DOCK11: variants seen among roughly 807,000 people sequenced by gnomAD.
DOCK11 encodes dedicator of cytokinesis 11.
In DOCK11, 70 loss-of-function variants were observed where a neutral mutation model predicts 169.1. The ratio of observed to expected loss-of-function variants is 0.41; its 90% CI spans 0.34 to 0.51. The LOEUF (loss-of-function observed/expected upper bound fraction) is 0.51. Among genes scored for constraint, DOCK11 ranks in the 20% least tolerant of loss-of-function variants. The pLI, the probability that DOCK11 is intolerant of heterozygous loss-of-function variation, is 0.10. For missense variants in DOCK11, 1,166 were observed against 1,538.8 expected (o/e 0.76, Z 4.05); for synonymous variants, 529 against 541.3 (o/e 0.98, Z 0.32).
At chrX:118,621,206 T>C (rs1041096058) in intron 31 of DOCK11, among the ~76,000 whole-genome samples, 2 of 112,477 alleles carry the variant, frequency 1.8e-5, no homozygotes, top group African/African-American at 6.5e-5. Context: ...TAAATGACGA[T>C]AGAGTTTTCT....
At chrX:118,663,867 G>GT (rs1238631906) in intron 45 of DOCK11, among the ~76,000 whole-genome samples, 2 of 108,583 alleles carry the variant, frequency 1.8e-5, no homozygotes, top group Non-Finnish European at 3.8e-5. Flanking sequence ...TAGAGACAGG[G>GT]TTTCACCATG....
intron 48 of DOCK11, among the ~76,000 whole-genome samples, chrX:118,678,979 A>G (rs1411757258): frequency 9.1e-6 from 1 of 110,330 alleles, no homozygotes; most frequent in African/African-American, 3.3e-5. Flanking sequence ...GTGTGTGGAG[A>G]CGGGGTCTCA....
At chrX:118,656,029 C>A (rs1021229519) in intron 44 of DOCK11, among the ~76,000 whole-genome samples, 1 of 111,178 alleles carries the variant, frequency 9.0e-6, no homozygotes, top group Non-Finnish European at 1.9e-5. Flanking sequence ...GTGACTCAGA[C>A]CTGTAATGTC....
intron 6 of DOCK11, among the ~76,000 whole-genome samples, chrX:118,553,659 G>C: frequency 8.9e-6 from 1 of 111,753 alleles, no homozygotes. Flanking sequence ...CTCCTCTGCA[G>C]TGGGAGAACA....
chrX:118,670,318 C>T (rs776824281), intron 45 of DOCK11, among the ~76,000 whole-genome samples: 8 of 111,547 alleles, frequency 7.2e-5, no homozygotes, highest in South Asian at 7.5e-4. Context: ...TTATGACTTA[C>T]GGGTAGCATC....
chrX:118,676,087 A>T, intron 47 of DOCK11, 38 bp downstream of exon 47: 1 of 949,233 alleles, frequency 1.1e-6, no homozygotes, highest in Non-Finnish European at 1.5e-6. Flanking sequence ...TCCTTTTTAA[A>T]CATTCACCTT....
intron 6 of DOCK11, among the ~76,000 whole-genome samples, chrX:118,552,140 G>T (rs2012520412): frequency 9.0e-6 from 1 of 111,417 alleles, no homozygotes; most frequent in Non-Finnish European, 1.9e-5. Flanking sequence ...AAGAGTATTA[G>T]AAGAGACTCA....
At position 118,597,514 on chromosome X, in the gene DOCK11, C is replaced by T. The variant is rs138683152; in HGVS notation, c.2347C>T (p.Pro783Ser). 357 of 1,209,487 alleles carry T rather than the reference C, an allele frequency of 3.0e-4. 1 individual carries two copies. The African/African-American group carries it at 5.0e-3, about 17-fold the overall frequency. Reference protein sequence around the residue: ...QQLPVSANLPPGYLNLNDAES... With the variant: ...QQLPVSANLPSGYLNLNDAES... ...GCTGCCAGTTTCCGCCAATCTTCCC[C>T]CAGGCTACTTGAATCTGAATGATGC... The change falls in exon 21 of 53, where the codon CCA becomes TCA. Residue 783 changes from proline to serine, a missense_variant. Transcript: ENST00000276202.
In DOCK11 at chrX:118,562,907, A is replaced by G. The variant is rs181399267; in HGVS notation, c.693+1390A>G. Among the ~76,000 whole-genome samples the G allele has an allele frequency of 6.5e-3, 728 of 112,421 alleles. 7 individuals are homozygous for G. Among genetic ancestry groups the G allele is most frequent in the African/African-American group, 0.021 (660 of 30,950 alleles). On this transcript the variant is annotated intron_variant, in intron 7 of 52. Coordinates refer to ENST00000276202, the MANE Select transcript of DOCK11 (RefSeq NM_144658.4). ...CTAAGTCACATTCTAATTTTGGTTA[A>G]TTCTACACATTCCTTTGGGGATTAC...
At chrX:118,546,182 A>C in intron 6 of DOCK11, 66 bp downstream of exon 6, 1 of 386,299 alleles carries the variant, frequency 2.6e-6, no homozygotes. Context: ...CTATCTGGAA[A>C]CAATATTTAT....
chrX:118,538,714 C>T (rs374332472), intron 1 of DOCK11: 5 of 741,324 alleles, frequency 6.7e-6, no homozygotes, highest in African/African-American at 2.3e-5. Context: ...TTTATTGTAA[C>T]GGGTTTTTGG....
chrX:118,518,683 A>G (rs1698250953), intron 1 of DOCK11, among the ~76,000 whole-genome samples: 1 of 112,454 alleles, frequency 8.9e-6, no homozygotes, highest in Admixed American at 9.5e-5. Flanking sequence ...ATACTACTGC[A>G]GTGGTGGATA....
In DOCK11 at chrX:118,546,127, GT is replaced by G; in HGVS notation, c.558+13del. On this transcript the variant is annotated intron_variant, in intron 6 of 52. Transcript: ENST00000276202. ...ACAGTAACCATGAAGGTAGGAAGTA[GT>G]TATTATATTATTCCATCATTTTAAT... 1 of 965,417 alleles carries G rather than the reference GT, an allele frequency of 1.0e-6. No individual in the cohort carries two copies. Among genetic ancestry groups the G allele is most frequent in the Non-Finnish European group, 1.4e-6 (1 of 716,717 alleles). 79.6% of individuals were successfully genotyped at this position (965,417 alleles called of 1,213,427 possible).
At chrX:118,531,685 G>A (rs1420446681) in intron 1 of DOCK11, among the ~76,000 whole-genome samples, 1 of 108,764 alleles carries the variant, frequency 9.2e-6, no homozygotes, top group African/African-American at 3.3e-5. Context: ...AGCCTCCCGA[G>A]TAGCTGGGAT....
At chrX:118,552,419 C>A (rs749556214) in intron 6 of DOCK11, among the ~76,000 whole-genome samples, 165 of 111,630 alleles carry the variant, frequency 1.5e-3, no homozygotes, top group African/African-American at 5.3e-3. Flanking sequence ...AGGCTGAGTT[C>A]TTCGTATTGG....
chrX:118,500,180 CT>C (rs1452095340), intron 1 of DOCK11, among the ~76,000 whole-genome samples: 2 of 109,601 alleles, frequency 1.8e-5, no homozygotes, highest in East Asian at 5.7e-4. Flanking sequence ...TCCCGAGTAG[CT>C]GGGACTACAG....
chrX:118,672,526 G>A (rs756934258), intron 46 of DOCK11, among the ~76,000 whole-genome samples: 56 of 112,711 alleles, frequency 5.0e-4, no homozygotes, highest in Non-Finnish European at 1.0e-3. Flanking sequence ...TCCACCTCCC[G>A]GGTTCACGCC....
intron 1 of DOCK11, among the ~76,000 whole-genome samples, chrX:118,529,270 C>T (rs2011453367): frequency 1.8e-5 from 2 of 112,184 alleles, no homozygotes; most frequent in Admixed American, 1.9e-4. Context: ...GCGTGAGCCA[C>T]CACGCCCGAC....
intron 28 of DOCK11, among the ~76,000 whole-genome samples, chrX:118,613,003 G>A (rs957108468): frequency 4.5e-5 from 5 of 111,937 alleles, no homozygotes; most frequent in Admixed American, 2.8e-4. Flanking sequence ...AATCATCCGC[G>A]TGGCACAATC....
Sources: allele counts gnomAD v4.1 joint callset (sites outside exome capture counted in the v4.1 genomes callset), GRCh38; gene constraint gnomAD v4.1.1; transcripts MANE v1.5; gene names NCBI Gene and HGNC (gene_info 2026-07-23, HGNC 2026-07-21).